The following ITGA8 variants were observed in gnomAD, a reference collection of about 807,000 sequenced individuals.
ITGA8 encodes the protein integrin subunit alpha 8.
ITGA8 carries 91 observed loss-of-function variants against 142.3 expected under a neutral mutation model. That is an observed-to-expected ratio of 0.64 (90% CI 0.54 to 0.76). The LOEUF is 0.76. Ranked by LOEUF, ITGA8 falls within the 30% of genes least tolerant of loss-of-function variation. The pLI, the probability that ITGA8 is intolerant of heterozygous loss-of-function variation, is 0.00. For synonymous variants in ITGA8, 505 were observed against 485.2 expected (o/e 1.04, Z -0.54); for missense variants, 1,406 against 1,327.7 (o/e 1.06, Z -0.92).
chr10:15,647,468 T>G (rs1834003931), intron 11 of ITGA8, among the ~76,000 whole-genome samples: 1 of 144,942 alleles, frequency 6.9e-6, no homozygotes, highest in Admixed American at 6.9e-5. Flanking sequence ...TTTTTTTTTT[T>G]TTTTTGAGAC....
intron 28 of ITGA8, among the ~76,000 whole-genome samples, chr10:15,530,577 G>A (rs1351868967): frequency 7.0e-6 from 1 of 142,844 alleles, no homozygotes; most frequent in Non-Finnish European, 1.5e-5. Flanking sequence ...ATTTCATTCA[G>A]TTGAAGCTCA....
intron 2 of ITGA8, among the ~76,000 whole-genome samples, chr10:15,694,198 T>TATATCATATATATGATAAC (rs1564412161): frequency 5.6e-5 from 8 of 142,076 alleles, no homozygotes; most frequent in Admixed American, 2.2e-4. Context: ...TATATGATAA[T>TATATCATATATATGATAAC]ATATCATATA....
rs866024227 is a variant in ITGA8 at position 15,640,833 on chromosome 10, G to C, written c.1399+3197C>G. On this transcript the variant is annotated intron_variant, in intron 13 of 29. Coordinates refer to ENST00000378076, the MANE Select transcript of ITGA8 (RefSeq NM_003638.3). ...CTAACAGAGGACGAAGAGGGCCCAG[G>C]ACACAGGGAAATTTTGAGCAGAGGT... Among the ~76,000 whole-genome samples, 17 of 152,300 alleles carry C rather than the reference G, an allele frequency of 1.1e-4. No homozygotes were observed. In the South Asian group the frequency reaches 1.2e-3, roughly 11 times the overall value.
At chr10:15,680,398 T>C (rs920053391) in intron 4 of ITGA8, among the ~76,000 whole-genome samples, 4 of 151,936 alleles carry the variant, frequency 2.6e-5, no homozygotes, top group Non-Finnish European at 4.4e-5. Context: ...TGCACTGTAT[T>C]TTAACAAAAT....
At chr10:15,710,186 T>C (rs921652727) in intron 2 of ITGA8, among the ~76,000 whole-genome samples, 1 of 152,214 alleles carries the variant, frequency 6.6e-6, no homozygotes, top group Non-Finnish European at 1.5e-5. Flanking sequence ...CCAAAGATAG[T>C]CTCTCATTAC....
intron 23 of ITGA8, among the ~76,000 whole-genome samples, chr10:15,576,684 T>G (rs1383550840): frequency 1.3e-5 from 2 of 152,194 alleles, no homozygotes; most frequent in African/African-American, 4.8e-5. Context: ...ATATCTCTCT[T>G]TCTTCATCTG....
intron 2 of ITGA8, among the ~76,000 whole-genome samples, chr10:15,709,637 G>A (rs1286869019): frequency 1.3e-5 from 2 of 151,964 alleles, no homozygotes; most frequent in Admixed American, 6.6e-5. Flanking sequence ...TCTTTCCTAC[G>A]GGCTCTTATA....
intron 2 of ITGA8, among the ~76,000 whole-genome samples, chr10:15,699,117 C>T (rs2131724106): frequency 6.6e-6 from 1 of 152,220 alleles, no homozygotes; most frequent in Non-Finnish European, 1.5e-5. Flanking sequence ...AACCTCACCT[C>T]TACTAAAAAT....
chr10:15,567,697 A>C (rs1441331111), intron 25 of ITGA8, among the ~76,000 whole-genome samples: 5 of 152,200 alleles, frequency 3.3e-5, no homozygotes, highest in Admixed American at 3.3e-4. Flanking sequence ...GACATCCTCA[A>C]GGCACTTCCA....
chr10:15,714,572 T>C (rs1471681799), intron 2 of ITGA8, among the ~76,000 whole-genome samples: 1 of 152,172 alleles, frequency 6.6e-6, no homozygotes, highest in Non-Finnish European at 1.5e-5. Flanking sequence ...AGCATATGCT[T>C]CTAGTATTCA....
chr10:15,553,302 G>GTTTTTTTTTT (rs5783451), intron 26 of ITGA8, among the ~76,000 whole-genome samples: 1 of 131,140 alleles, frequency 7.6e-6, no homozygotes. Flanking sequence ...AGTTGCCATA[G>GTTTTTTTTTT]TTTTTTTTTT....
chr10:15,520,241 A>G (rs1328386541), intron 28 of ITGA8, among the ~76,000 whole-genome samples: 1 of 152,052 alleles, frequency 6.6e-6, no homozygotes, highest in Non-Finnish European at 1.5e-5. Flanking sequence ...GTGAAACCCC[A>G]TCTCCACTAA....
chr10:15,575,967 G>A (rs1834287929), intron 23 of ITGA8, among the ~76,000 whole-genome samples: 1 of 151,272 alleles, frequency 6.6e-6, no homozygotes, highest in Non-Finnish European at 1.5e-5. Flanking sequence ...GTGTGTGAGT[G>A]TGTGTGTGTG....
intron 25 of ITGA8, among the ~76,000 whole-genome samples, chr10:15,567,984 C>G (rs1834108798): frequency 6.6e-6 from 1 of 152,232 alleles, no homozygotes; most frequent in South Asian, 2.1e-4. Flanking sequence ...GTGATCATAG[C>G]TCACTGCAGC....
intron 12 of ITGA8, 59 bp downstream of exon 12, chr10:15,646,787 G>C: frequency 7.8e-7 from 1 of 1,280,610 alleles, no homozygotes; most frequent in Non-Finnish European, 1.1e-6. Flanking sequence ...AACAGGCATG[G>C]TCTCCTTTAT....
Position 15,658,989 on chromosome 10 carries a change from A to T in ITGA8, c.948+10T>A, listed in dbSNP as rs770431097. On this transcript the variant is annotated intron_variant, in intron 10 of 29. Coordinates refer to ENST00000378076, the MANE Select transcript of ITGA8 (RefSeq NM_003638.3). ...GTGATTTTATTTATTTGATATTAAAATGTCTCTACCTGTTCTCCCGTGAAA... is the reference window on the plus strand; with the variant it reads ...GTGATTTTATTTATTTGATATTAAATTGTCTCTACCTGTTCTCCCGTGAAA... The T allele has an allele frequency of 6.5e-7, 1 of 1,546,282 alleles. No individual in the cohort carries two copies. Among genetic ancestry groups the T allele is most frequent in the Non-Finnish European group, 8.9e-7 (1 of 1,122,604 alleles).
chr10:15,552,503 TC>T (rs1378535964), intron 26 of ITGA8, among the ~76,000 whole-genome samples: 1 of 152,250 alleles, frequency 6.6e-6, no homozygotes, highest in African/African-American at 2.4e-5. Context: ...GAGGGATTTT[TC>T]CCATTGGTAC....
At chr10:15,537,981 A>AAAAC (rs1564341778) in intron 27 of ITGA8, among the ~76,000 whole-genome samples, 11 of 151,656 alleles carry the variant, frequency 7.3e-5, no homozygotes, top group African/African-American at 1.9e-4. Flanking sequence ...CAAAAAAAAA[A>AAAAC]CACAAAAATT....
At chr10:15,567,417 T>G (rs558022805) in intron 25 of ITGA8, among the ~76,000 whole-genome samples, 1 of 152,146 alleles carries the variant, frequency 6.6e-6, no homozygotes, top group Non-Finnish European at 1.5e-5. Context: ...GGAAAAAAAT[T>G]AGCTCTAATG....
Sources: allele counts gnomAD v4.1 joint callset (sites outside exome capture counted in the v4.1 genomes callset), GRCh38; gene constraint gnomAD v4.1.1; transcripts MANE v1.5; gene names NCBI Gene and HGNC (gene_info 2026-07-23, HGNC 2026-07-21).